Variants in PTPRD observed in about 807,000 individuals in gnomAD.
PTPRD encodes the protein protein tyrosine phosphatase receptor type D, also known as receptor-type tyrosine-protein phosphatase delta.
Under a neutral mutation model 214.5 loss-of-function variants are expected in PTPRD, and 34 were observed. The observed-to-expected ratio is 0.16, with a 90% CI of 0.12 to 0.21. The LOEUF is 0.21. PTPRD is among the 10% of genes least tolerant of loss of function. PTPRD has a pLI of 1.00. For missense variants in PTPRD, 2,545 were observed against 2,398.7 expected, an observed-to-expected ratio of 1.06 and a Z score of -1.27; for synonymous variants, 1,128 against 845.7, an observed-to-expected ratio of 1.33 and a Z score of -5.79.
At chr9:8,667,578 T>C (rs973684113) in intron 12 of PTPRD, among the ~76,000 whole-genome samples, 1 of 152,198 alleles carries the variant, frequency 6.6e-6, no homozygotes, top group African/African-American at 2.4e-5. Context: ...ATTTAAAAGA[T>C]TGCATAAAAT....
chr9:9,969,331 A>T (rs538440370), intron 4 of PTPRD, among the ~76,000 whole-genome samples: 1 of 139,656 alleles, frequency 7.2e-6, no homozygotes, highest in Admixed American at 6.8e-5. Flanking sequence ...TGGCCTCATT[A>T]AACTCTCTCT....
At chr9:8,344,997 C>A (rs985004708) in intron 39 of PTPRD, among the ~76,000 whole-genome samples, 2 of 49,830 alleles carry the variant, frequency 4.0e-5, no homozygotes, top group Non-Finnish European at 2.0e-4. Flanking sequence ...GAGAAACAAG[C>A]AATGTAATGC....
chr9:10,096,653 G>A (rs1400118964), intron 3 of PTPRD, among the ~76,000 whole-genome samples: 1 of 151,988 alleles, frequency 6.6e-6, no homozygotes, highest in Non-Finnish European at 1.5e-5. Flanking sequence ...TTTGTCAGAT[G>A]AGTAGGTTGC....
intron 9 of PTPRD, among the ~76,000 whole-genome samples, chr9:9,253,440 C>T (rs1207421944): frequency 1.3e-5 from 2 of 151,810 alleles, no homozygotes; most frequent in Non-Finnish European, 2.9e-5. Flanking sequence ...AAGCTACTAA[C>T]AAAAGTTGGC....
At chr9:9,600,075 G>T (rs2093638247) in intron 7 of PTPRD, among the ~76,000 whole-genome samples, 1 of 151,926 alleles carries the variant, frequency 6.6e-6, no homozygotes, top group Non-Finnish European at 1.5e-5. Context: ...CATTGCAGTT[G>T]TTATCTGAGG....
intron 9 of PTPRD, among the ~76,000 whole-genome samples, chr9:9,326,691 G>C (rs1317682713): frequency 6.6e-6 from 1 of 150,906 alleles, no homozygotes; most frequent in Non-Finnish European, 1.5e-5. Context: ...AATGAATCCT[G>C]AAATAAACTA....
intron 12 of PTPRD, among the ~76,000 whole-genome samples, chr9:8,716,045 G>A (rs1236998343): frequency 3.9e-5 from 6 of 152,160 alleles, no homozygotes; most frequent in Admixed American, 1.3e-4. Context: ...GCTTCACATT[G>A]GGTAGCCACA....
intron 11 of PTPRD, among the ~76,000 whole-genome samples, chr9:8,848,116 C>T (rs894458170): frequency 2.6e-5 from 4 of 151,878 alleles, no homozygotes; most frequent in African/African-American, 9.7e-5. Context: ...AGAGCTCTGG[C>T]AGTTGTATCA....
At chr9:9,412,721 G>T (rs1193742630) in intron 8 of PTPRD, among the ~76,000 whole-genome samples, 1 of 151,934 alleles carries the variant, frequency 6.6e-6, no homozygotes, top group East Asian at 1.9e-4. Flanking sequence ...GTACCTTATG[G>T]AATTCTCTGT....
At position 9,223,050 on chromosome 9, in the gene PTPRD, A is replaced by G. The variant is rs114895415; in HGVS notation, c.-202-39687T>C. On this transcript the variant is annotated intron_variant, in intron 9 of 45. Transcript: ENST00000381196. ...TTGTGTGTTTTAAATCTGAACTACA[A>G]TGGAAAGGTATAAGAATTTCTACTT... is the stretch of plus-strand genomic sequence containing the variant. Among the ~76,000 whole-genome samples, 445 of 152,164 alleles carry G rather than the reference A, an allele frequency of 2.9e-3. 2 individuals carry two copies. Among genetic ancestry groups the G allele is most frequent in the African/African-American group, 0.01 (434 of 41,534 alleles).
chr9:10,080,392 A>T (rs2098216694), intron 3 of PTPRD, among the ~76,000 whole-genome samples: 1 of 152,122 alleles, frequency 6.6e-6, no homozygotes, highest in Admixed American at 6.6e-5. Flanking sequence ...TGTGATAGGG[A>T]GGCATTGGTA....
At chr9:9,495,478 A>G (rs2096133887) in intron 8 of PTPRD, among the ~76,000 whole-genome samples, 1 of 152,034 alleles carries the variant, frequency 6.6e-6, no homozygotes, top group Non-Finnish European at 1.5e-5. Context: ...AAAACCCTAC[A>G]GCCCGCCCTG....
At chr9:8,837,160 G>A (rs1356790906) in intron 11 of PTPRD, among the ~76,000 whole-genome samples, 6 of 151,754 alleles carry the variant, frequency 4.0e-5, no homozygotes. Context: ...CTAGTAGCTG[G>A]GATTACACCA....
chr9:9,656,210 G>C (rs1204315127), intron 7 of PTPRD, among the ~76,000 whole-genome samples: 2 of 152,144 alleles, frequency 1.3e-5, no homozygotes, highest in African/African-American at 4.8e-5. Flanking sequence ...AAGATAGTTT[G>C]ACAGTTTCTT....
chr9:8,704,901 C>A (rs989270449), intron 12 of PTPRD, among the ~76,000 whole-genome samples: 24 of 151,148 alleles, frequency 1.6e-4, no homozygotes, highest in African/African-American at 5.4e-4. Context: ...CTAGCCCGGG[C>A]GATAGAGCAA....
At chr9:8,475,408 G>C (rs1432946137) in intron 30 of PTPRD, among the ~76,000 whole-genome samples, 1 of 151,996 alleles carries the variant, frequency 6.6e-6, no homozygotes, top group Non-Finnish European at 1.5e-5. Context: ...CTGCGGCCCA[G>C]CTACAATGGT....
chr9:8,574,821 A>G (rs893842993), intron 14 of PTPRD, among the ~76,000 whole-genome samples: 5 of 152,046 alleles, frequency 3.3e-5, no homozygotes, highest in Non-Finnish European at 5.9e-5. Flanking sequence ...CTGAACTCCA[A>G]ACAAACTTAT....
chr9:9,101,159 T>C (rs1452029626), intron 10 of PTPRD, among the ~76,000 whole-genome samples: 1 of 151,050 alleles, frequency 6.6e-6, no homozygotes, highest in Non-Finnish European at 1.5e-5. Context: ...TGAACAATAA[T>C]GATCAGCAAA....
intron 2 of PTPRD, among the ~76,000 whole-genome samples, chr9:10,595,145 G>T (rs2076323056): frequency 6.6e-6 from 1 of 151,808 alleles, no homozygotes; most frequent in Admixed American, 6.6e-5. Context: ...TGAAAATGAG[G>T]CTTAGGTCAA....
Sources: gnomAD v4.1 joint callset for allele counts (sites outside exome capture counted in the v4.1 genomes callset) on GRCh38, gnomAD v4.1.1 for gene constraint, MANE v1.5 for transcripts, NCBI Gene and HGNC (gene_info 2026-07-23, HGNC 2026-07-21) for gene names.